The following CYTH1 variants were observed in gnomAD, a reference collection of about 807,000 sequenced individuals.
CYTH1 encodes cytohesin-1.
CYTH1 carries 18 observed loss-of-function variants against 61.8 expected under a neutral mutation model. The ratio of observed to expected loss-of-function variants is 0.29; its 90% CI spans 0.20 to 0.43. CYTH1 has a LOEUF of 0.43. CYTH1 is among the 20% of genes least tolerant of loss of function. The pLI, the probability that CYTH1 is intolerant of heterozygous loss-of-function variation, is 1.00. For synonymous variants in CYTH1, 174 were observed against 184.3 expected (o/e 0.94, Z 0.45); for missense variants, 336 against 510.5 (o/e 0.66, Z 3.29).
intron 13 of CYTH1, among the ~76,000 whole-genome samples, chr17:78,679,686 GCTGTGGAACC>G (rs1236205633): frequency 6.6e-6 from 1 of 152,220 alleles, no homozygotes; most frequent in Non-Finnish European, 1.5e-5. Flanking sequence ...CCACTTCTTA[GCTGTGGAACC>G]CTGAGGAAGC....
chr17:78,738,534 T>C (rs1461483865), intron 1 of CYTH1, among the ~76,000 whole-genome samples: 2 of 152,164 alleles, frequency 1.3e-5, no homozygotes, highest in Admixed American at 6.5e-5. Flanking sequence ...AGTCAGACTC[T>C]GAAGGTGCTG....
chr17:78,685,220 A>T (rs1270154873), intron 11 of CYTH1, among the ~76,000 whole-genome samples: 1 of 151,782 alleles, frequency 6.6e-6, no homozygotes, highest in East Asian at 1.9e-4. Flanking sequence ...AAAAAAAAAA[A>T]AAAAGGTTTT....
At chr17:78,686,638 C>T (rs1393931716) in intron 11 of CYTH1, among the ~76,000 whole-genome samples, 1 of 152,154 alleles carries the variant, frequency 6.6e-6, no homozygotes, top group African/African-American at 2.4e-5. Context: ...AGGGTTTGCT[C>T]CATCTATCTG....
chr17:78,724,618 C>A (rs1006186537), intron 1 of CYTH1, among the ~76,000 whole-genome samples: 3 of 152,160 alleles, frequency 2.0e-5, no homozygotes, highest in Non-Finnish European at 4.4e-5. Flanking sequence ...ATGTCCCCTG[C>A]GGGACAAAAC....
At chr17:78,775,958 C>T (rs895841153) in intron 1 of CYTH1, among the ~76,000 whole-genome samples, 16 of 151,990 alleles carry the variant, frequency 1.1e-4, no homozygotes, top group African/African-American at 3.4e-4. Flanking sequence ...AGTTTGAGAT[C>T]AGCCTGGCCA....
At position 78,749,838 on chromosome 17, in the gene CYTH1, TA is replaced by T. The variant is rs1177634386; in HGVS notation, c.22+32363del. ...ACATTGTTCAGATGTTTCTCTGCCC[TA>T]AAAAAAAAATTCCCTTACAGTTCAA... On this transcript the variant is annotated intron_variant, in intron 1 of 13. Transcript: ENST00000446868. 1.6e-4 allele frequency among the ~76,000 whole-genome samples: 24 copies of T among 149,234 alleles called. No homozygotes were observed. The East Asian group carries it at 3.5e-3, about 22-fold the overall frequency.
chr17:78,760,758 A>C (rs2144716102), intron 1 of CYTH1, among the ~76,000 whole-genome samples: 1 of 151,774 alleles, frequency 6.6e-6, no homozygotes, highest in East Asian at 1.9e-4. Flanking sequence ...ATCTTTCTAA[A>C]AGTTACAGGT....
intron 13 of CYTH1, among the ~76,000 whole-genome samples, chr17:78,679,341 GCT>G (rs2092733390): frequency 6.6e-6 from 1 of 152,210 alleles, no homozygotes; most frequent in African/African-American, 2.4e-5. Context: ...GCAAGGCTGT[GCT>G]CTTAGGAGAA....
At chr17:78,760,220 G>T (rs1241059186) in intron 1 of CYTH1, among the ~76,000 whole-genome samples, 5 of 151,050 alleles carry the variant, frequency 3.3e-5, no homozygotes, top group Admixed American at 6.6e-5. Flanking sequence ...AATTGCAAAA[G>T]GTGCCCATGT....
rs569370771 is a variant in CYTH1 at position 78,752,069 on chromosome 17, AT to A, written c.22+30132del. Among the ~76,000 whole-genome samples the A allele has an allele frequency of 2.0e-3, 304 of 152,266 alleles. 2 individuals carry two copies. The highest frequency in any genetic ancestry group is 7.0e-3 in the African/African-American group (291 of 41,552). ...TAATTTCAAATAGTCTAGTTCAAAGATCCTATTACTGGGAAAGAAACGGAGA... is the reference window on the plus strand; with the variant it reads ...TAATTTCAAATAGTCTAGTTCAAAGACCTATTACTGGGAAAGAAACGGAGA... On this transcript the variant is annotated intron_variant, in intron 1 of 13. Transcript: ENST00000446868.
intron 1 of CYTH1, among the ~76,000 whole-genome samples, chr17:78,741,453 A>G (rs562221349): frequency 1.3e-3 from 196 of 152,334 alleles, no homozygotes; most frequent in Non-Finnish European, 2.1e-3. Context: ...TTTTGAAAGC[A>G]TAATACCCAT....
intron 1 of CYTH1, among the ~76,000 whole-genome samples, chr17:78,748,423 G>A (rs1451722464): frequency 6.6e-6 from 1 of 152,178 alleles, no homozygotes; most frequent in Non-Finnish European, 1.5e-5. Context: ...GGTTACTGTA[G>A]GGGACAACAA....
At chr17:78,698,068 T>C (rs915779255) in intron 9 of CYTH1, among the ~76,000 whole-genome samples, 2 of 152,220 alleles carry the variant, frequency 1.3e-5, no homozygotes, top group African/African-American at 4.8e-5. Context: ...GAGTCCTCTA[T>C]AAGCCACCCC....
At chr17:78,720,826 A>C (rs1285574537) in intron 1 of CYTH1, among the ~76,000 whole-genome samples, 1 of 152,184 alleles carries the variant, frequency 6.6e-6, no homozygotes, top group African/African-American at 2.4e-5. Flanking sequence ...CAGTGAGCCC[A>C]GGTTGCACCA....
At chr17:78,720,137 T>C (rs2093215606) in intron 1 of CYTH1, among the ~76,000 whole-genome samples, 1 of 151,480 alleles carries the variant, frequency 6.6e-6, no homozygotes, top group Non-Finnish European at 1.5e-5. Context: ...CGGGTTTCAG[T>C]TTTGCAAGAT....
intron 7 of CYTH1, among the ~76,000 whole-genome samples, chr17:78,699,219 C>T (rs887574360): frequency 3.3e-5 from 5 of 152,254 alleles, no homozygotes; most frequent in Non-Finnish European, 4.4e-5. Context: ...CAAAAATTAG[C>T]CAGGCGTGGC....
intron 1 of CYTH1, among the ~76,000 whole-genome samples, chr17:78,766,701 GAAGA>G (rs1319453302): frequency 6.6e-6 from 1 of 152,092 alleles, no homozygotes; most frequent in East Asian, 1.9e-4. Context: ...TCCACTCCCA[GAAGA>G]AAGAACGTTT....
Position 78,700,274 on chromosome 17 carries a change from A to G in CYTH1, c.550+57T>C. On this transcript the variant is annotated intron_variant, in intron 7 of 13. Coordinates refer to ENST00000446868, the MANE Select transcript of CYTH1 (RefSeq NM_004762.6). This position sits in a 1 kb window ranked among gnomAD's most constrained non-coding sequence, Gnocchi z 5.1. ...TTGTTTTAGAAATTATCTGGTGCCA[A>G]GAAAATAATCCAGTGTAAAACGCCC... 1 of 1,440,254 alleles carries G rather than the reference A, an allele frequency of 6.9e-7. No individual in the cohort carries two copies. The allele number at this position is 1,440,254 out of a possible 1,614,324, so 89.2% of individuals were successfully genotyped here.
intron 11 of CYTH1, among the ~76,000 whole-genome samples, chr17:78,684,614 A>C (rs1339461570): frequency 2.0e-5 from 3 of 152,246 alleles, no homozygotes; most frequent in African/African-American, 7.2e-5. Context: ...ATACAGGTGA[A>C]AGGTTTAAAA....
Sources: allele counts gnomAD v4.1 joint callset (sites outside exome capture counted in the v4.1 genomes callset), GRCh38; gene constraint gnomAD v4.1.1; non-coding constraint Gnocchi (gnomAD v3.1); transcripts MANE v1.5; gene names NCBI Gene and HGNC (gene_info 2026-07-23, HGNC 2026-07-21).